Variants in DNAJB14 observed in about 807,000 individuals in gnomAD.
The protein encoded by DNAJB14 is dnaJ homolog subfamily B member 14.
In DNAJB14, 22 loss-of-function variants were observed where a neutral mutation model predicts 48.4. The ratio of observed to expected loss-of-function variants is 0.45; its 90% CI spans 0.32 to 0.65. The LOEUF (loss-of-function observed/expected upper bound fraction) is 0.65. DNAJB14 is among the 30% of genes least tolerant of loss of function. DNAJB14 has a pLI of 0.03. For missense variants in DNAJB14, 319 were observed against 458.8 expected (o/e 0.70, Z 2.78); for synonymous variants, 142 against 158.7 (o/e 0.89, Z 0.79).
chr4:99,919,196 A>G (rs2110205228), intron 3 of DNAJB14, among the ~76,000 whole-genome samples: 1 of 152,196 alleles, frequency 6.6e-6, no homozygotes, highest in African/African-American at 2.4e-5. Flanking sequence ...TTGGCTAGAT[A>G]AGGCAGGCTT....
chr4:99,905,529 T>G, intron 6 of DNAJB14, 68 bp downstream of exon 6: 1 of 1,200,980 alleles, frequency 8.3e-7, no homozygotes, highest in Non-Finnish European at 1.2e-6. Context: ...GAGCACAAGC[T>G]CTTTAAAGGA....
chr4:99,919,924 C>A (rs531941607), intron 3 of DNAJB14, among the ~76,000 whole-genome samples: 3 of 152,100 alleles, frequency 2.0e-5, no homozygotes, highest in Non-Finnish European at 4.4e-5. Flanking sequence ...TAATTTTAAC[C>A]TTAATTCTAA....
intron 3 of DNAJB14, among the ~76,000 whole-genome samples, chr4:99,915,117 T>C (rs1240878137): frequency 3.3e-5 from 5 of 152,244 alleles, no homozygotes; most frequent in Non-Finnish European, 7.3e-5. Context: ...TCTTCTTTTC[T>C]AACATATGCA....
intron 3 of DNAJB14, among the ~76,000 whole-genome samples, chr4:99,919,586 AAAACAAAC>A (rs112393273): frequency 2.0e-5 from 3 of 150,796 alleles, no homozygotes; most frequent in Non-Finnish European, 3.0e-5. Context: ...TCCATCTTAA[AAAACAAAC>A]AAACAAACAA....
At chr4:99,930,140 A>G (rs950835491) in intron 2 of DNAJB14, 16 of 189,494 alleles carry the variant, frequency 8.4e-5, no homozygotes, top group African/African-American at 3.5e-4. Flanking sequence ...AAAATAAAAC[A>G]ATTCTTCATC....
chr4:99,939,084 G>A (rs987485828), intron 1 of DNAJB14, among the ~76,000 whole-genome samples: 1 of 152,162 alleles, frequency 6.6e-6, no homozygotes, highest in Non-Finnish European at 1.5e-5. Flanking sequence ...CCCACCAGCC[G>A]GGTACAGTGG....
At chr4:99,905,097 T>C (rs2110192927) in intron 6 of DNAJB14, among the ~76,000 whole-genome samples, 2 of 152,226 alleles carry the variant, frequency 1.3e-5, no homozygotes, top group Middle Eastern at 7.0e-3. Context: ...TAAAGTTGTC[T>C]AGATTGCATG....
chr4:99,907,660 A>G (rs1327815015), intron 4 of DNAJB14, among the ~76,000 whole-genome samples: 1 of 152,138 alleles, frequency 6.6e-6, no homozygotes, highest in Non-Finnish European at 1.5e-5. Context: ...CCTGGGCAAC[A>G]GAGCAAGACC....
chr4:99,938,966 G>A (rs1473012706), intron 1 of DNAJB14, among the ~76,000 whole-genome samples: 1 of 152,006 alleles, frequency 6.6e-6, no homozygotes. Context: ...ACAGGTGGAG[G>A]AGGAAGTATC....
In DNAJB14 at chr4:99,896,296, A is replaced by G. The variant is rs1725146833; in HGVS notation, c.*4732T>C. 6.6e-6 allele frequency: 1 copy of G among 152,218 alleles called. No individual in the cohort carries two copies. Among genetic ancestry groups the G allele is most frequent in the Admixed American group, 6.5e-5 (1 of 15,290 alleles). 9.4% of individuals were successfully genotyped at this position (152,218 alleles called of 1,614,324 possible). A position where few individuals can be genotyped will look rare whatever the true frequency, so the allele number is the denominator to read the frequency against. Reference sequence around the variant, plus strand: ...TTATTAATATATTGAGATAAACTACAGAGACTGAAAGACAAAAATTCATAT... The same window carrying G: ...TTATTAATATATTGAGATAAACTACGGAGACTGAAAGACAAAAATTCATAT... On this transcript the variant is annotated 3_prime_UTR_variant, in exon 8 of 8. Coordinates refer to ENST00000442697, the MANE Select transcript of DNAJB14 (RefSeq NM_001031723.4).
At chr4:99,906,653 T>C in intron 4 of DNAJB14, 42 bp from the exon 5 acceptor site, 2 of 1,463,730 alleles carry the variant, frequency 1.4e-6, no homozygotes, top group South Asian at 1.2e-5. Context: ...AGAGCAATTA[T>C]GATCAGAAAA....
At chr4:99,935,703 C>T (rs1726648586) in intron 1 of DNAJB14, among the ~76,000 whole-genome samples, 1 of 117,726 alleles carries the variant, frequency 8.5e-6, no homozygotes, top group Admixed American at 8.0e-5. Flanking sequence ...CTTCCTTTCC[C>T]TTCTTTTTCC....
intron 5 of DNAJB14, 58 bp downstream of exon 5, chr4:99,906,459 C>A (rs1725469896): frequency 1.3e-6 from 2 of 1,515,646 alleles, no homozygotes; most frequent in Admixed American, 3.4e-5. Context: ...TCAGACAACT[C>A]TAATTACTTT....
At chr4:99,945,280 G>T (rs1259925340) in intron 1 of DNAJB14, among the ~76,000 whole-genome samples, 2 of 152,148 alleles carry the variant, frequency 1.3e-5, no homozygotes, top group Non-Finnish European at 2.9e-5. Context: ...TATAGTGTTA[G>T]AAGGCAATGT....
intron 3 of DNAJB14, among the ~76,000 whole-genome samples, chr4:99,914,804 A>G (rs1467167715): frequency 2.0e-5 from 3 of 152,114 alleles, no homozygotes; most frequent in African/African-American, 7.2e-5. Flanking sequence ...CTAACTTGTA[A>G]ACTTATGTAT....
chr4:99,918,475 G>A (rs948658166), intron 3 of DNAJB14, among the ~76,000 whole-genome samples: 8 of 152,144 alleles, frequency 5.3e-5, no homozygotes, highest in Admixed American at 2.6e-4. Context: ...CTGAAACTTC[G>A]TAATTTGGGT....
intron 3 of DNAJB14, among the ~76,000 whole-genome samples, chr4:99,917,469 T>A (rs1042404723): frequency 4.6e-5 from 7 of 152,194 alleles, no homozygotes; most frequent in Non-Finnish European, 1.0e-4. Flanking sequence ...CTTCACAAGG[T>A]AGAATCCGAC....
chr4:99,929,815 A>T (rs1726396445), intron 2 of DNAJB14: 1 of 152,192 alleles, frequency 6.6e-6, no homozygotes, highest in Admixed American at 6.5e-5. Context: ...TCAGCACAAC[A>T]TCAATACAGC....
rs574002435 is a variant in DNAJB14 at position 99,912,528 on chromosome 4, G to A, written c.452-3632C>T. On this transcript the variant is annotated intron_variant, in intron 3 of 7. Coordinates refer to ENST00000442697, the MANE Select transcript of DNAJB14 (RefSeq NM_001031723.4). ...GAGTTTTGCTCTTGTTGTCCTGGCTGGAGCGCAACGGCGCGATCTCGGCTC... is the reference window on the plus strand; with the variant it reads ...GAGTTTTGCTCTTGTTGTCCTGGCTAGAGCGCAACGGCGCGATCTCGGCTC... Among the ~76,000 whole-genome samples the A allele has an allele frequency of 7.9e-5, 12 of 151,914 alleles. No homozygotes were observed. The East Asian group carries it at 2.3e-3, about 29-fold the overall frequency.
Sources: gnomAD v4.1 joint callset for allele counts (sites outside exome capture counted in the v4.1 genomes callset) on GRCh38, gnomAD v4.1.1 for gene constraint, MANE v1.5 for transcripts, NCBI Gene and HGNC (gene_info 2026-07-23, HGNC 2026-07-21) for gene names.